GSTCD: variants seen among roughly 807,000 people sequenced by gnomAD.
GSTCD encodes glutathione S-transferase C-terminal domain containing.
A neutral mutation model predicts 68.3 loss-of-function variants in GSTCD; 44 were observed. The ratio of observed to expected loss-of-function variants is 0.64; its 90% CI spans 0.51 to 0.83. GSTCD has a LOEUF of 0.83. Ranked by LOEUF, GSTCD falls within the 40% of genes least tolerant of loss-of-function variation. The pLI is 0.00. For missense variants in GSTCD, 739 were observed against 735.9 expected (o/e 1.00, Z -0.05); for synonymous variants, 273 against 255.2 (o/e 1.07, Z -0.67).
chr4:105,806,884 C>T (rs1722522587), intron 5 of GSTCD, among the ~76,000 whole-genome samples: 1 of 152,056 alleles, frequency 6.6e-6, no homozygotes, highest in Admixed American at 6.6e-5. Context: ...TGCATTTCAT[C>T]CCCTTGTGTC....
chr4:105,834,461 G>A lies in GSTCD; in HGVS notation c.1531G>A (p.Val511Ile). ...GCTAAGGCCTGGTTTTATTTTGTAGGTAGCATTGCATGCTTGTGGAGTGGC... is the reference window on the plus strand; with the variant it reads ...GCTAAGGCCTGGTTTTATTTTGTAGATAGCATTGCATGCTTGTGGAGTGGC... ...EYFTGMFNIG[V>I]ALHACGVATD... Residue 511 changes from valine (V) to isoleucine (I), a missense_variant and splice_region_variant, in exon 9 of 12, where the codon GTA becomes ATA. Val to Ile is a conservative substitution (Grantham distance 29, BLOSUM62 3). Coordinates refer to ENST00000515279, the MANE Select transcript of GSTCD (RefSeq NM_001370181.1). 1 of 1,613,248 alleles carries A rather than the reference G, an allele frequency of 6.2e-7. No individual in the cohort carries two copies. The highest frequency in any genetic ancestry group is 8.5e-7 in the Non-Finnish European group (1 of 1,179,566).
At chr4:105,716,891 C>G (rs1040789979) in intron 1 of GSTCD, among the ~76,000 whole-genome samples, 1 of 151,962 alleles carries the variant, frequency 6.6e-6, no homozygotes, top group South Asian at 2.1e-4. Flanking sequence ...TGGCTTTTCT[C>G]TAAGGAGGGT....
At chr4:105,821,206 TA>T (rs1176663077) in intron 5 of GSTCD, 1 of 151,912 alleles carries the variant, frequency 6.6e-6, no homozygotes, top group Non-Finnish European at 1.5e-5. Context: ...TGCATTGCCA[TA>T]AAAATATAAG....
chr4:105,774,753 A>C (rs190634320), intron 5 of GSTCD, among the ~76,000 whole-genome samples: 21 of 152,118 alleles, frequency 1.4e-4, no homozygotes, highest in African/African-American at 5.1e-4. Flanking sequence ...TTTGTGGGTA[A>C]CCTGACCTTT....
intron 5 of GSTCD, among the ~76,000 whole-genome samples, chr4:105,802,975 C>G (rs1162355868): frequency 6.6e-6 from 1 of 152,208 alleles, no homozygotes; most frequent in Non-Finnish European, 1.5e-5. Context: ...AAGCAACTTA[C>G]ATTTACTGAA....
intron 3 of GSTCD, among the ~76,000 whole-genome samples, chr4:105,720,105 T>C (rs1732813613): frequency 6.6e-6 from 1 of 152,214 alleles, no homozygotes; most frequent in Non-Finnish European, 1.5e-5. Context: ...TCTGTTATTA[T>C]GTGCTGGGGG....
rs74708995 is a variant in GSTCD at position 105,709,546 on chromosome 4, A to T, written c.-22+530A>T. Among the ~76,000 whole-genome samples, 1,293 of 152,122 alleles carry T rather than the reference A, an allele frequency of 8.5e-3. 18 individuals carry two copies. The highest frequency in any genetic ancestry group is 0.029 in the African/African-American group (1,195 of 41,474). ...TCACAGCAGTATCTCTTGGGTTTTTAACTTCTATAGAAAGTTTAATTTGCA... is the reference window on the plus strand; with the variant it reads ...TCACAGCAGTATCTCTTGGGTTTTTTACTTCTATAGAAAGTTTAATTTGCA... On this transcript the variant is annotated intron_variant, in intron 1 of 11. Coordinates refer to ENST00000515279, the MANE Select transcript of GSTCD (RefSeq NM_001370181.1).
chr4:105,837,974 A>T (rs1198933873), intron 10 of GSTCD, 85 bp downstream of exon 10: 1 of 510,116 alleles, frequency 2.0e-6, no homozygotes, highest in Non-Finnish European at 3.4e-6. Flanking sequence ...TGGAGTAAAT[A>T]ATCTATAGTT....
chr4:105,736,954 A>T (rs1218246311), intron 5 of GSTCD, among the ~76,000 whole-genome samples: 7 of 152,090 alleles, frequency 4.6e-5, no homozygotes, highest in Admixed American at 4.6e-4. Context: ...GTACTCCATC[A>T]TATATATGTA....
At chr4:105,732,067 C>T (rs940336358) in intron 5 of GSTCD, among the ~76,000 whole-genome samples, 94 of 152,254 alleles carry the variant, frequency 6.2e-4, no homozygotes, top group African/African-American at 2.2e-3. Context: ...TGGATAAGCT[C>T]TTTGATGTGC....
At chr4:105,805,682 G>A (rs1008924066) in intron 5 of GSTCD, among the ~76,000 whole-genome samples, 2 of 151,968 alleles carry the variant, frequency 1.3e-5, no homozygotes, top group Admixed American at 6.6e-5. Context: ...TTTCAGTGCT[G>A]AATAAAAATG....
At chr4:105,819,006 G>C (rs1469708342) in intron 5 of GSTCD, among the ~76,000 whole-genome samples, 2 of 151,686 alleles carry the variant, frequency 1.3e-5, no homozygotes, top group Admixed American at 6.6e-5. Flanking sequence ...CACCTTAGTT[G>C]GTAATAATGT....
intron 5 of GSTCD, among the ~76,000 whole-genome samples, chr4:105,811,773 T>A (rs1043693019): frequency 6.6e-6 from 1 of 152,138 alleles, no homozygotes; most frequent in African/African-American, 2.4e-5. Context: ...CACATTTGCA[T>A]TTTAGAAGGA....
At chr4:105,739,038 A>G (rs972989121) in intron 5 of GSTCD, among the ~76,000 whole-genome samples, 3 of 152,188 alleles carry the variant, frequency 2.0e-5, no homozygotes, top group Non-Finnish European at 4.4e-5. Flanking sequence ...GAGAATTTTT[A>G]TCACAAAGGA....
chr4:105,754,566 T>C (rs575247117), intron 5 of GSTCD, among the ~76,000 whole-genome samples: 4 of 152,242 alleles, frequency 2.6e-5, no homozygotes, highest in African/African-American at 9.6e-5. Context: ...TAGGAAAAAA[T>C]AGAAATTTTG....
intron 1 of GSTCD, among the ~76,000 whole-genome samples, chr4:105,713,369 T>C (rs1215539517): frequency 6.6e-6 from 1 of 152,166 alleles, no homozygotes; most frequent in Non-Finnish European, 1.5e-5. Flanking sequence ...ACCCAGCCTT[T>C]GGAATGGAAG....
chr4:105,797,530 A>C (rs1401844864), intron 5 of GSTCD, among the ~76,000 whole-genome samples: 1 of 152,128 alleles, frequency 6.6e-6, no homozygotes, highest in African/African-American at 2.4e-5. Flanking sequence ...AAAAATGCTA[A>C]GCATCATTGG....
chr4:105,723,095 C>T (rs542571491), intron 3 of GSTCD, among the ~76,000 whole-genome samples: 36 of 151,818 alleles, frequency 2.4e-4, no homozygotes, highest in African/African-American at 5.8e-4. Flanking sequence ...AAAGATGCCA[C>T]GTACATCTAA....
intron 5 of GSTCD, among the ~76,000 whole-genome samples, chr4:105,750,409 G>A (rs1253619734): frequency 6.7e-6 from 1 of 148,416 alleles, no homozygotes; most frequent in Non-Finnish European, 1.5e-5. Context: ...GCTGTGAGCC[G>A]AGATTGCGCC....
Sources: gnomAD v4.1 joint callset for allele counts (sites outside exome capture counted in the v4.1 genomes callset) on GRCh38, gnomAD v4.1.1 for gene constraint, MANE v1.5 for transcripts, NCBI Gene and HGNC (gene_info 2026-07-23, HGNC 2026-07-21) for gene names.